The following FOXP1 variants were observed in gnomAD, a reference collection of about 807,000 sequenced individuals.
FOXP1 encodes forkhead box P1.
Under a neutral mutation model 98.2 loss-of-function variants are expected in FOXP1, and 15 were observed. That is an observed-to-expected ratio of 0.15 (90% CI 0.10 to 0.24). The LOEUF (loss-of-function observed/expected upper bound fraction) is 0.24, where lower values mean the gene tolerates loss of function less well. Among genes scored for constraint, FOXP1 ranks in the 10% least tolerant of loss-of-function variants. FOXP1 has a pLI of 1.00. For synonymous variants in FOXP1, 371 were observed against 314.5 expected, an observed-to-expected ratio of 1.18 and a Z score of -1.90; for missense variants, 633 against 848.5, an observed-to-expected ratio of 0.75 and a Z score of 3.15.
chr3:71,533,962 A>C (rs2044073220), intron 2 of FOXP1, among the ~76,000 whole-genome samples: 1 of 152,140 alleles, frequency 6.6e-6, no homozygotes. Flanking sequence ...TTCAAAAAAG[A>C]GAAGGAGCAT....
intron 6 of FOXP1, among the ~76,000 whole-genome samples, chr3:71,189,154 T>C (rs971140831): frequency 2.6e-5 from 4 of 152,192 alleles, no homozygotes; most frequent in Non-Finnish European, 4.4e-5. Flanking sequence ...TGTTTAATAA[T>C]TGCACATTGT....
intron 11 of FOXP1, among the ~76,000 whole-genome samples, chr3:71,038,457 A>C (rs905793029): frequency 1.3e-5 from 2 of 152,212 alleles, no homozygotes; most frequent in African/African-American, 4.8e-5. Flanking sequence ...GTAAGAGAGA[A>C]AACTTATCCA....
intron 4 of FOXP1, chr3:71,334,301 A>T (rs2076538137): frequency 6.6e-6 from 1 of 152,098 alleles, no homozygotes; most frequent in Admixed American, 6.5e-5. Context: ...CCAGCTACTC[A>T]GGAGGCTGAG....
intron 5 of FOXP1, among the ~76,000 whole-genome samples, chr3:71,263,567 G>A (rs771535746): frequency 2.6e-5 from 4 of 152,030 alleles, no homozygotes; most frequent in Non-Finnish European, 4.4e-5. Context: ...TGACCCTTGA[G>A]GAAGGTGCCT....
intron 4 of FOXP1, among the ~76,000 whole-genome samples, chr3:71,350,687 A>G (rs757363229): frequency 2.0e-5 from 3 of 152,152 alleles, no homozygotes; most frequent in Non-Finnish European, 4.4e-5. Flanking sequence ...TTTCTGGGAA[A>G]ACTCCCATAG....
At chr3:71,094,823 G>T (rs554313850) in intron 7 of FOXP1, among the ~76,000 whole-genome samples, 3 of 152,286 alleles carry the variant, frequency 2.0e-5, no homozygotes, top group Non-Finnish European at 2.9e-5. Context: ...CCTACCCCTG[G>T]TGGCAGCTCC....
At position 71,411,646 on chromosome 3, in the gene FOXP1, T is replaced by G. The variant is rs144502435; in HGVS notation, c.-167-52402A>C. On this transcript the variant is annotated intron_variant, in intron 3 of 20. Coordinates refer to ENST00000649528, the MANE Select transcript of FOXP1 (RefSeq NM_001349338.3). Reference sequence around the variant, plus strand: ...TGAATGGTCTTCATACCACATCTTCTGATCACCTGATGCTGGCAGGTGGCA... The same window carrying G: ...TGAATGGTCTTCATACCACATCTTCGGATCACCTGATGCTGGCAGGTGGCA... Among the ~76,000 whole-genome samples, 705 of 152,320 alleles carry G rather than the reference T, an allele frequency of 4.6e-3. 8 individuals are homozygous for G. Among genetic ancestry groups the G allele is most frequent in the African/African-American group, 0.016 (651 of 41,570 alleles).
At chr3:71,235,862 G>A (rs1034708672) in intron 5 of FOXP1, among the ~76,000 whole-genome samples, 8 of 152,178 alleles carry the variant, frequency 5.3e-5, no homozygotes, top group Non-Finnish European at 1.2e-4. Context: ...CACCGCACCC[G>A]GCTAATATTT....
At chr3:71,377,849 C>T (rs548898938) in intron 3 of FOXP1, among the ~76,000 whole-genome samples, 1 of 152,298 alleles carries the variant, frequency 6.6e-6, no homozygotes, top group Non-Finnish European at 1.5e-5. Context: ...TGCACAAATG[C>T]TTCCTTGATA....
At chr3:71,322,870 G>A (rs941960746) in intron 4 of FOXP1, among the ~76,000 whole-genome samples, 11 of 152,226 alleles carry the variant, frequency 7.2e-5, no homozygotes, top group African/African-American at 2.6e-4. Context: ...TACCTCTGGA[G>A]ATGGACATGA....
intron 2 of FOXP1, among the ~76,000 whole-genome samples, chr3:71,536,001 T>G (rs925156440): frequency 1.3e-5 from 2 of 152,154 alleles, no homozygotes; most frequent in African/African-American, 4.8e-5. Flanking sequence ...AGGGTGACCC[T>G]TGGGGGCAGT....
chr3:70,960,286 C>T (rs575553535), intron 20 of FOXP1, among the ~76,000 whole-genome samples: 3 of 152,122 alleles, frequency 2.0e-5, no homozygotes, highest in Admixed American at 2.0e-4. Flanking sequence ...GAAAGCAGAG[C>T]CCCAATCAGA....
At chr3:71,145,191 T>C (rs953766790) in intron 6 of FOXP1, among the ~76,000 whole-genome samples, 10 of 152,194 alleles carry the variant, frequency 6.6e-5, no homozygotes, top group Non-Finnish European at 1.3e-4. Flanking sequence ...TCAATACATA[T>C]ACAAGAGTAT....
chr3:71,212,396 G>A (rs1345803643), intron 5 of FOXP1, among the ~76,000 whole-genome samples: 7 of 152,150 alleles, frequency 4.6e-5, no homozygotes, highest in Admixed American at 2.0e-4. Flanking sequence ...GTACTGAGGG[G>A]CTACATGGAC....
At chr3:71,579,936 G>A (rs1408515541) in intron 2 of FOXP1, among the ~76,000 whole-genome samples, 2 of 152,102 alleles carry the variant, frequency 1.3e-5, no homozygotes, top group African/African-American at 2.4e-5. Flanking sequence ...GCTGCCCAGA[G>A]AGGGGCTGAG....
intron 5 of FOXP1, among the ~76,000 whole-genome samples, chr3:71,221,759 A>C (rs2108507521): frequency 6.6e-6 from 1 of 152,286 alleles, no homozygotes; most frequent in East Asian, 1.9e-4. Context: ...GCTTTTTGGA[A>C]GGGTCCTGTC....
chr3:71,285,431 G>A (rs1344568965), intron 5 of FOXP1, among the ~76,000 whole-genome samples: 1 of 152,068 alleles, frequency 6.6e-6, no homozygotes, highest in African/African-American at 2.4e-5. Flanking sequence ...AAAAAATCAG[G>A]CTTTAGAGGG....
At chr3:71,267,572 G>A (rs952262347) in intron 5 of FOXP1, among the ~76,000 whole-genome samples, 1 of 152,204 alleles carries the variant, frequency 6.6e-6, no homozygotes, top group Non-Finnish European at 1.5e-5. Flanking sequence ...CAAGGTCATG[G>A]AGCTAAAAAT....
intron 3 of FOXP1, among the ~76,000 whole-genome samples, chr3:71,487,076 C>G (rs2090709118): frequency 6.6e-6 from 1 of 151,940 alleles, no homozygotes; most frequent in Non-Finnish European, 1.5e-5. Flanking sequence ...CACTTCCTTG[C>G]TATGTTAGAG....
Sources: gnomAD v4.1 joint callset for allele counts (sites outside exome capture counted in the v4.1 genomes callset) on GRCh38, gnomAD v4.1.1 for gene constraint, MANE v1.5 for transcripts, NCBI Gene and HGNC (gene_info 2026-07-23, HGNC 2026-07-21) for gene names.